Variants in MAPRE3 observed in about 807,000 individuals in gnomAD.
MAPRE3 encodes the protein microtubule associated protein RP/EB family member 3, also known as microtubule-associated protein RP/EB family member 3.
Under a neutral mutation model 30.5 loss-of-function variants are expected in MAPRE3, and 2 were observed. That is an observed-to-expected ratio of 0.07 (90% CI 0.03 to 0.21). The LOEUF (loss-of-function observed/expected upper bound fraction) is 0.21, where lower values mean the gene tolerates loss of function less well. MAPRE3 is among the 10% of genes least tolerant of loss of function. The probability of loss-of-function intolerance (pLI) is 1.00; values close to 1 mark genes in which losing one functional copy is unlikely to be tolerated. For missense variants in MAPRE3, 204 were observed against 351.8 expected (o/e 0.58, Z 3.36); for synonymous variants, 110 against 127.7 (o/e 0.86, Z 0.93).
chr2:26,980,809 TAAG>T (rs1666098807), intron 1 of MAPRE3, among the ~76,000 whole-genome samples: 3 of 152,212 alleles, frequency 2.0e-5, no homozygotes, highest in Admixed American at 6.5e-5. Context: ...TCATTTTTTA[TAAG>T]AAGGAGGTCT....
intron 1 of MAPRE3, among the ~76,000 whole-genome samples, chr2:27,004,708 C>A (rs1259183604): frequency 6.5e-5 from 9 of 139,316 alleles, no homozygotes; most frequent in African/African-American, 2.2e-4. Context: ...GAGCAAATTA[C>A]TAGAATATCA....
At chr2:27,023,593 C>A in intron 3 of MAPRE3, 116 bp downstream of exon 3, 1 of 1,261,648 alleles carries the variant, frequency 7.9e-7, no homozygotes, top group East Asian at 2.4e-5. Context: ...GTGCCTCCCT[C>A]CACCTCCCGA....
chr2:26,991,504 G>A (rs539930405), intron 1 of MAPRE3, among the ~76,000 whole-genome samples: 2 of 152,362 alleles, frequency 1.3e-5, no homozygotes, highest in Non-Finnish European at 2.9e-5. Flanking sequence ...CAAATGGTCT[G>A]TGGGTCACTG....
chr2:27,007,927 T>C (rs974513060), intron 1 of MAPRE3, among the ~76,000 whole-genome samples: 2 of 152,198 alleles, frequency 1.3e-5, no homozygotes, highest in African/African-American at 2.4e-5. Flanking sequence ...TCCCCACCTA[T>C]TGAGTTTTTT....
intron 1 of MAPRE3, among the ~76,000 whole-genome samples, chr2:27,009,365 C>T (rs1244530438): frequency 6.6e-6 from 1 of 152,152 alleles, no homozygotes; most frequent in East Asian, 1.9e-4. Context: ...AGTCTAAAAT[C>T]ATTTCAAAGT....
At chr2:26,980,459 C>T (rs1000271138) in intron 1 of MAPRE3, among the ~76,000 whole-genome samples, 4 of 152,162 alleles carry the variant, frequency 2.6e-5, no homozygotes, top group Non-Finnish European at 5.9e-5. Flanking sequence ...TTAAAATGTG[C>T]TTCATCTGCA....
chr2:26,977,207 TC>T (rs1360643414), intron 1 of MAPRE3, among the ~76,000 whole-genome samples: 1 of 152,254 alleles, frequency 6.6e-6, no homozygotes, highest in Non-Finnish European at 1.5e-5. Flanking sequence ...CGAATGGCTT[TC>T]CTTAGTGCTT....
Position 27,020,760 on chromosome 2 carries a change from G to T in MAPRE3, c.-7-1452G>T, listed in dbSNP as rs566063050. 4.6e-5 allele frequency among the ~76,000 whole-genome samples: 7 copies of T among 152,346 alleles called. No homozygotes were observed. The South Asian group carries it at 1.4e-3, about 32-fold the overall frequency. ...AGGAGTGTCTCTTTTATGACTGCTGGCTGAAAGGACTTGAAGTGGGGGAGG... is the reference window on the plus strand; with the variant it reads ...AGGAGTGTCTCTTTTATGACTGCTGTCTGAAAGGACTTGAAGTGGGGGAGG... On this transcript the variant is annotated intron_variant, in intron 1 of 6. Transcript: ENST00000233121.
At chr2:26,998,328 C>G (rs1666512299) in intron 1 of MAPRE3, among the ~76,000 whole-genome samples, 1 of 152,170 alleles carries the variant, frequency 6.6e-6, no homozygotes, top group African/African-American at 2.4e-5. Context: ...CTGTCATGGT[C>G]TTTCTCTTTA....
intron 1 of MAPRE3, among the ~76,000 whole-genome samples, chr2:26,979,445 G>T (rs936930187): frequency 2.6e-5 from 4 of 152,202 alleles, no homozygotes; most frequent in African/African-American, 4.8e-5. Flanking sequence ...AATTAGCCGG[G>T]CATGGTGGCA....
At chr2:27,023,775 G>A (rs1667165327) in intron 3 of MAPRE3, 1 of 506,154 alleles carries the variant, frequency 2.0e-6, no homozygotes, top group African/African-American at 1.9e-5. Context: ...GTCTCTGTAG[G>A]GCCCAAGAAA....
chr2:27,001,938 A>C (rs969570101), intron 1 of MAPRE3: 1 of 152,266 alleles, frequency 6.6e-6, no homozygotes, highest in African/African-American at 2.4e-5. Context: ...GGCTTGAACA[A>C]ATAATGGGGT....
At chr2:27,024,069 G>A in intron 3 of MAPRE3, 27 bp from the exon 4 acceptor site, 3 of 1,589,354 alleles carry the variant, frequency 1.9e-6, no homozygotes, top group Non-Finnish European at 2.6e-6. Context: ...GGTGGCTAAA[G>A]TACTCTGCTT....
At chr2:27,018,911 A>AT (rs1558385954) in intron 1 of MAPRE3, among the ~76,000 whole-genome samples, 2 of 150,904 alleles carry the variant, frequency 1.3e-5, no homozygotes, top group African/African-American at 4.9e-5. Flanking sequence ...TTATTTATTT[A>AT]TTTATTTATT....
At chr2:27,010,305 G>C (rs972430537) in intron 1 of MAPRE3, among the ~76,000 whole-genome samples, 5 of 152,172 alleles carry the variant, frequency 3.3e-5, no homozygotes, top group Non-Finnish European at 7.3e-5. Flanking sequence ...AGTAGCTGGA[G>C]AAAGATCGTG....
intron 4 of MAPRE3, among the ~76,000 whole-genome samples, chr2:27,025,216 C>T (rs1455490451): frequency 1.3e-5 from 2 of 152,210 alleles, no homozygotes; most frequent in East Asian, 3.8e-4. Context: ...GTGCCAGCTG[C>T]CTTTCCTCTA....
chr2:26,998,324 T>G (rs1558377952), intron 1 of MAPRE3, among the ~76,000 whole-genome samples: 1 of 152,226 alleles, frequency 6.6e-6, no homozygotes, highest in South Asian at 2.1e-4. Context: ...CTCACTGTCA[T>G]GGTCTTTCTC....
chr2:26,987,054 C>T (rs1172075812), intron 1 of MAPRE3, among the ~76,000 whole-genome samples: 1 of 152,080 alleles, frequency 6.6e-6, no homozygotes, highest in Admixed American at 6.5e-5. Context: ...CACATCAAGA[C>T]CATCAAAAGC....
chr2:27,019,655 A>G (rs1667071806), intron 1 of MAPRE3, among the ~76,000 whole-genome samples: 1 of 152,142 alleles, frequency 6.6e-6, no homozygotes. Flanking sequence ...TGAAATTGCC[A>G]GGTCTTGAGT....
Sources: allele counts gnomAD v4.1 joint callset (sites outside exome capture counted in the v4.1 genomes callset), GRCh38; gene constraint gnomAD v4.1.1; transcripts MANE v1.5; gene names NCBI Gene and HGNC (gene_info 2026-07-23, HGNC 2026-07-21).